The following TTN variants were observed in gnomAD, a reference collection of about 807,000 sequenced individuals.
TTN encodes titin, also known as connectin.
A neutral mutation model predicts 3,223.0 loss-of-function variants in TTN; 1,525 were observed. That is an observed-to-expected ratio of 0.47 (90% CI 0.45 to 0.49). TTN has a LOEUF of 0.49. TTN is among the 20% of genes least tolerant of loss of function. The pLI, the probability that TTN is intolerant of heterozygous loss-of-function variation, is 0.00. For synonymous variants in TTN, 14,094 were observed against 15,161.0 expected, an observed-to-expected ratio of 0.93 and a Z score of 5.17; for missense variants, 40,786 against 43,424.0, an observed-to-expected ratio of 0.94 and a Z score of 5.40.
rs1333495673 is a variant in TTN at position 178,664,924 on chromosome 2, G to T, written c.36046C>A (p.Pro12016Thr). The T allele has an allele frequency of 6.2e-7, 1 of 1,605,766 alleles. No individual in the cohort carries two copies. The highest frequency in any genetic ancestry group is 1.1e-5 in the South Asian group (1 of 89,622). ...GGAATAATTTCTTGAGGAGCTTCGGGCGCTTGAAAGATATTAGCAATTCAC... is the reference window on the plus strand; with the variant it reads ...GGAATAATTTCTTGAGGAGCTTCGGTCGCTTGAAAGATATTAGCAATTCAC... ...EEPETPRMKTPEAPQEIIPAK... is the reference protein window; with the variant it reads ...EEPETPRMKTTEAPQEIIPAK... Residue 12016 changes from proline to threonine, a missense_variant and splice_region_variant, in exon 166 of 363, where the codon CCC (proline) becomes ACC (threonine). Physicochemically the swap from Pro to Thr is conservative, Grantham distance 38. Transcript: ENST00000589042.
In TTN at chr2:178,650,733, C is replaced by G; in HGVS notation, c.39709+18G>C. 6.3e-7 allele frequency: 1 copy of G among 1,580,516 alleles called. No individual in the cohort carries two copies. Among genetic ancestry groups the G allele is most frequent in the South Asian group, 1.2e-5 (1 of 84,962 alleles). On this transcript the variant is annotated intron_variant, in intron 209 of 362. Coordinates refer to ENST00000589042, the MANE Select transcript of TTN (RefSeq NM_001267550.2). ...AGTCGCAAGTGGCAAGGTCATTAAT[C>G]ACCGGTCTCACGTGTACCTTCTGGG...
rs1227731674 is a variant in TTN at position 178,565,165 on chromosome 2, A to G, written c.80967T>C (p.Phe26989=). The change falls in exon 326 of 363, where the codon TTT becomes TTC. Residue 26989 remains phenylalanine, a synonymous_variant. Coordinates refer to ENST00000589042, the MANE Select transcript of TTN (RefSeq NM_001267550.2). ...CTGGAGGTTCCCAAGATATGACTAC[A>G]AAGTCTGCACTAACTTCATCAAACC... ...PVRFDEVSAD[F]VVISWEPPAY... 5 of 1,613,318 alleles carry G rather than the reference A, an allele frequency of 3.1e-6. No individual in the cohort carries two copies. The highest frequency in any genetic ancestry group is 2.7e-5 in the African/African-American group (2 of 74,878).
chr2:178,596,913 C>T (rs1440566085), intron 294 of TTN, among the ~76,000 whole-genome samples: 2 of 152,034 alleles, frequency 1.3e-5, no homozygotes, highest in African/African-American at 4.8e-5. Flanking sequence ...TATTCAGTGA[C>T]TAGAAATGCA....
rs780886524 is a variant in TTN at position 178,527,107 on chromosome 2, C to G, written c.107881G>C (p.Val35961Leu). The change falls in exon 363 of 363, where the codon GTA becomes CTA. Residue 35961 changes from valine (V) to leucine (L), a missense_variant. By Grantham distance (32) the Val-to-Leu change is conservative (BLOSUM62 1). Coordinates refer to ENST00000589042, the MANE Select transcript of TTN (RefSeq NM_001267550.2). ...TAAAGTCCACCATCTTGTTTCTGTA[C>G]GTCCATGATGATCAGGGTTGTCAGG... Reference protein sequence around the residue: ...DDLTTLIIMDVQKQDGGLYTL... With the variant: ...DDLTTLIIMDLQKQDGGLYTL... 1.9e-6 allele frequency: 3 copies of G among 1,613,784 alleles called. No homozygotes were observed. The highest frequency in any genetic ancestry group is 2.5e-6 in the Non-Finnish European group (3 of 1,179,862).
In TTN at chr2:178,609,405, C is replaced by T. The variant is rs1347004429; in HGVS notation, c.51905G>A (p.Arg17302Lys). ...EIKKRAAPLV[R>K]RRKGEVQEEE... is the part of the protein sequence containing the mutation. ...TTCTTGAACTTCACCCTTCCTTCTC[C>T]TAACCAAGGGTGCTGCACGCTTCTT... The change falls in exon 273 of 363, where the codon AGG (arginine) becomes AAG (lysine). Residue 17302 changes from arginine to lysine, a missense_variant. Transcript: ENST00000589042. 2.5e-6 allele frequency: 4 copies of T among 1,612,152 alleles called. No homozygotes were observed. The highest frequency in any genetic ancestry group is 1.3e-5 in the African/African-American group (1 of 74,794).
At position 178,528,881 on chromosome 2, in the gene TTN, G is replaced by A; in HGVS notation, c.106870C>T (p.Leu35624=). Reference sequence around the variant, plus strand: ...CCAGCAATGTTGGCTTTTAAAACCAGTCTTTGACCTTCGTTTATGCTCATC... The same window carrying A: ...CCAGCAATGTTGGCTTTTAAAACCAATCTTTGACCTTCGTTTATGCTCATC... The part of the protein sequence containing the change: ...TQMSINEGQR[L]VLKANIAGAT... The change falls in exon 360 of 363, where the codon CTG becomes TTG. Residue 35624 remains leucine, a synonymous_variant. Coordinates refer to ENST00000589042, the MANE Select transcript of TTN (RefSeq NM_001267550.2). 6.2e-7 allele frequency: 1 copy of A among 1,614,008 alleles called. No homozygotes were observed. Among genetic ancestry groups the A allele is most frequent in the African/African-American group, 1.3e-5 (1 of 75,064 alleles).
chr2:178,683,929 T>C, intron 133 of TTN, 70 bp downstream of exon 133: 7 of 1,179,684 alleles, frequency 5.9e-6, no homozygotes, highest in Non-Finnish European at 8.2e-6. Context: ...ATGGAACCTA[T>C]TCCACTAGAT....
Position 178,589,324 on chromosome 2 carries a change from C to G in TTN, c.62401G>C (p.Val20801Leu). Residue 20801 changes from valine (V) to leucine (L), a missense_variant, in exon 304 of 363, where the codon GTT (valine) becomes CTT (leucine). Physicochemically the swap from Val to Leu is conservative, Grantham distance 32. Transcript: ENST00000589042. ...AGVRGKPFPE[V>L]AWTKDKDATD... ...GCGTCTTTGTCCTTGGTCCATGCAA[C>G]TTCTGGGAATGGTTTGCCTCTAACC... 1 of 1,612,824 alleles carries G rather than the reference C, an allele frequency of 6.2e-7. No homozygotes were observed. Among genetic ancestry groups the G allele is most frequent in the Non-Finnish European group, 8.5e-7 (1 of 1,179,176 alleles).
Position 178,534,957 on chromosome 2 carries a change from T to G in TTN, c.101658A>C (p.Glu33886Asp), listed in dbSNP as rs1171862038. 1.2e-6 allele frequency: 2 copies of G among 1,612,902 alleles called. No individual in the cohort carries two copies. Among genetic ancestry groups the G allele is most frequent in the Non-Finnish European group, 1.7e-6 (2 of 1,179,684 alleles). ...LHLHESFESM[E>D]ELVMIFEFIS... ...TAAACTCAAAGATCATAACTAATTC[T>G]TCCATGCTTTCAAATGATTCATGGA... is the stretch of plus-strand genomic sequence containing the variant. The change falls in exon 358 of 363, where the codon GAA becomes GAC. Residue 33886 changes from glutamate (E) to aspartate (D), a missense_variant. Transcript: ENST00000589042.
chr2:178,796,136 T>G (rs899559049), intron 6 of TTN, among the ~76,000 whole-genome samples: 1 of 152,202 alleles, frequency 6.6e-6, no homozygotes, highest in African/African-American at 2.4e-5. Flanking sequence ...ATCCCAGCAC[T>G]GATGGCCAAA....
At chr2:178,799,974 G>A in intron 4 of TTN, 64 bp from the exon 5 acceptor site, 1 of 1,539,388 alleles carries the variant, frequency 6.5e-7, no homozygotes, top group African/African-American at 1.4e-5. Context: ...AAGAGATTCT[G>A]TTAATTCTGA....
At position 178,730,773 on chromosome 2, in the gene TTN, T is replaced by A; in HGVS notation, c.17760A>T (p.Ser5920=). 2 of 1,603,580 alleles carry A rather than the reference T, an allele frequency of 1.2e-6. No individual in the cohort carries two copies. The highest frequency in any genetic ancestry group is 1.7e-6 in the Non-Finnish European group (2 of 1,172,962). The stretch of plus-strand genomic sequence containing the variant: ...CCATTTTCTTCAGCTTTTTGGTGAA[T>A]GAAGGAGGTATGATAAGATCTATTC... ...INVLDLIIPP[S]FTKKLKKMDS... The change falls in exon 61 of 363, where the codon TCA becomes TCT. Residue 5920 remains serine (S), a synonymous_variant. Transcript: ENST00000589042.
chr2:178,580,268 A>C (rs1285825981), intron 317 of TTN, 39 bp from the exon 318 acceptor site: 1 of 1,605,794 alleles, frequency 6.2e-7, no homozygotes, highest in Admixed American at 1.7e-5. Context: ...GAATGTGTAA[A>C]AAATACATAA....
Position 178,574,625 on chromosome 2 carries a change from G to C in TTN, c.71507C>G (p.Thr23836Ser). The change falls in exon 326 of 363, where the codon ACT becomes AGT. Residue 23836 changes from threonine to serine, a missense_variant. Physicochemically the swap from Thr to Ser is moderately conservative, Grantham distance 58. Coordinates refer to ENST00000589042, the MANE Select transcript of TTN (RefSeq NM_001267550.2). ...VPGPPGTPQV[T>S]AVTKDSMTIS... ...TGTCATTGAATCCTTGGTAACTGCA[G>C]TTACCTGAGGGGTACCAGGAGGTCC... is the stretch of plus-strand genomic sequence containing the variant. 1 of 1,613,176 alleles carries C rather than the reference G, an allele frequency of 6.2e-7. No homozygotes were observed. Among genetic ancestry groups the C allele is most frequent in the Non-Finnish European group, 8.5e-7 (1 of 1,179,462 alleles).
At chr2:178,622,895 T>C in intron 242 of TTN, 128 bp from the exon 243 acceptor site, 1 of 734,170 alleles carries the variant, frequency 1.4e-6, no homozygotes, top group Non-Finnish European at 2.3e-6. Flanking sequence ...TACAACTGAC[T>C]TTGAAATCAC....
In TTN at chr2:178,548,412, G is replaced by A. The variant is rs368932767; in HGVS notation, c.93214C>T (p.Arg31072Cys). 1.1e-4 allele frequency: 185 copies of A among 1,613,698 alleles called. No homozygotes were observed. Among genetic ancestry groups the A allele is most frequent in the East Asian group, 1.6e-4 (7 of 44,880 alleles). The change falls in exon 339 of 363, where the codon CGT becomes TGT. Residue 31072 changes from arginine to cysteine, a missense_variant. By Grantham distance (180) the Arg-to-Cys change is radical. Coordinates refer to ENST00000589042, the MANE Select transcript of TTN (RefSeq NM_001267550.2). This position sits in a 1 kb window ranked among gnomAD's most constrained non-coding sequence, Gnocchi z 4.3. ...AGGTCATTGACCTTGAAGATCTGAC[G>A]AGTGCATTTTTCACTGATAACCTGC... ...SWQVISEKCT[R>C]QIFKVNDLAE...
Position 178,773,694 on chromosome 2 carries a change from A to T in TTN, c.7362T>A (p.Val2454=), listed in dbSNP as rs1574618784. The change falls in exon 32 of 363, where the codon GTT becomes GTA. Residue 2454 remains valine, a synonymous_variant. Coordinates refer to ENST00000589042, the MANE Select transcript of TTN (RefSeq NM_001267550.2). Reference sequence around the variant, plus strand: ...CAGCCTTGGTGCCTTCAATCACATTAACATCTTTTAGAGGTGTTATCACGT... The same window carrying T: ...CAGCCTTGGTGCCTTCAATCACATTTACATCTTTTAGAGGTGTTATCACGT... ...SVDVITPLKD[V]NVIEGTKAVL... is the part of the protein sequence containing the mutation. 1 of 1,614,102 alleles carries T rather than the reference A, an allele frequency of 6.2e-7. No homozygotes were observed. The highest frequency in any genetic ancestry group is 1.1e-5 in the South Asian group (1 of 91,082).
At position 178,776,375 on chromosome 2, in the gene TTN, C is replaced by T. The variant is rs1405718194; in HGVS notation, c.5489G>A (p.Gly1830Asp). Residue 1830 changes from glycine to aspartate, a missense_variant, in exon 28 of 363, where the codon GGT (glycine) becomes GAT (aspartate). Transcript: ENST00000589042. Reference protein sequence around the residue: ...ERMAHEGALTGVTTDQKEKQK... With the variant: ...ERMAHEGALTDVTTDQKEKQK... ...CTTTTCTTTCTGATCTGTTGTTACA[C>T]CTGTAAGTGCACCTTCATGAGCCAT... 1 of 1,613,168 alleles carries T rather than the reference C, an allele frequency of 6.2e-7. No homozygotes were observed. The highest frequency in any genetic ancestry group is 8.5e-7 in the Non-Finnish European group (1 of 1,179,978).
chr2:178,731,222 T>G lies in TTN; in HGVS notation c.17462-19A>C, dbSNP rs539538657. On this transcript the variant is annotated intron_variant, in intron 59 of 362. Transcript: ENST00000589042. ...GCAGGTTCTGTAGAAAACAAAGGGA[T>G]AGATGTGGGTTGTGCATTACCCTGC... 1.2e-6 allele frequency: 2 copies of G among 1,610,992 alleles called. No individual in the cohort carries two copies. Among genetic ancestry groups the G allele is most frequent in the Admixed American group, 1.7e-5 (1 of 59,848 alleles).
Sources: allele counts gnomAD v4.1 joint callset (sites outside exome capture counted in the v4.1 genomes callset), GRCh38; gene constraint gnomAD v4.1.1; non-coding constraint Gnocchi (gnomAD v3.1); transcripts MANE v1.5; gene names NCBI Gene and HGNC (gene_info 2026-07-23, HGNC 2026-07-21).